CELF1: variants seen among roughly 807,000 people sequenced by gnomAD.
CELF1 encodes the protein 50 kDa nuclear polyadenylated RNA-binding protein.
CELF1 carries 10 observed loss-of-function variants against 61.8 expected under a neutral mutation model. The observed-to-expected ratio is 0.16, with a 90% CI of 0.10 to 0.27. The LOEUF is 0.27. Among genes scored for constraint, CELF1 ranks in the 10% least tolerant of loss-of-function variants. The pLI is 1.00. For synonymous variants in CELF1, 236 were observed against 225.1 expected (o/e 1.05, Z -0.43); for missense variants, 380 against 639.1 (o/e 0.59, Z 4.37).
chr11:47,472,575 G>A (rs1678088605), intron 14 of CELF1, among the ~76,000 whole-genome samples: 1 of 152,100 alleles, frequency 6.6e-6, no homozygotes, highest in African/African-American at 2.4e-5. Context: ...TTTTTCTTGA[G>A]ACAGGGTCTT....
chr11:47,512,506 T>G (rs916886976), intron 1 of CELF1, among the ~76,000 whole-genome samples: 1 of 151,290 alleles, frequency 6.6e-6, no homozygotes, highest in African/African-American at 2.4e-5. Flanking sequence ...CCAGCTAATT[T>G]TTTTTGTATT....
In CELF1 at chr11:47,469,209, C is replaced by T. The variant is rs1400778245; in HGVS notation, c.*3021G>A. ...GGGGAGCAGAGCCTCAGCCTCTCTCCCCACTCCCTGGTCACAACCCAAGGG... is the reference window on the plus strand; with the variant it reads ...GGGGAGCAGAGCCTCAGCCTCTCTCTCCACTCCCTGGTCACAACCCAAGGG... On this transcript the variant is annotated 3_prime_UTR_variant, in exon 15 of 15. Transcript: ENST00000687097. The T allele has an allele frequency of 6.6e-6, 1 of 152,202 alleles. No individual in the cohort carries two copies. The highest frequency in any genetic ancestry group is 2.4e-5 in the African/African-American group (1 of 41,414). The allele number at this position is 152,202 out of a possible 1,614,324, so 9.4% of individuals were successfully genotyped here. A position where few individuals can be genotyped will look rare whatever the true frequency, so the allele number is the denominator to read the frequency against.
At position 47,490,127 on chromosome 11, in the gene CELF1, C is replaced by T. The variant is rs908900811; in HGVS notation, c.72-1103G>A. Among the ~76,000 whole-genome samples, 33 of 150,754 alleles carry T rather than the reference C, an allele frequency of 2.2e-4. No individual in the cohort carries two copies. The Middle Eastern group carries it at 0.014, about 63-fold the overall frequency. On this transcript the variant is annotated intron_variant, in intron 3 of 14. Transcript: ENST00000687097. The stretch of plus-strand genomic sequence containing the variant: ...CTAATTTTTGTATTTTTAGTAGAGA[C>T]GGGCTTTCACCATGTTGGCCAGGCT...
rs564345837 is a variant in CELF1 at position 47,562,231 on chromosome 11, A to G, written c.-11+2120T>C. 6.7e-5 allele frequency among the ~76,000 whole-genome samples: 10 copies of G among 148,744 alleles called. No homozygotes were observed. The East Asian group carries it at 1.7e-3, about 26-fold the overall frequency. On this transcript the variant is annotated intron_variant, in intron 2 of 3. Coordinates refer to the CELF1 transcript ENST00000525841. ...ACAAGAGCGAAACTCCATCTCAAAA[A>G]AAAAAAAAAAAAAGTTGGGTGGGGT...
intron 1 of CELF1, among the ~76,000 whole-genome samples, chr11:47,534,492 C>G (rs979251208): frequency 4.0e-5 from 6 of 151,786 alleles, no homozygotes; most frequent in African/African-American, 1.5e-4. Context: ...TCTGGGAGGC[C>G]AAGGCAGACA....
In CELF1 at chr11:47,468,517, G is replaced by A. The variant is rs1306153770; in HGVS notation, c.*3713C>T. The A allele has an allele frequency of 2.0e-5, 3 of 152,510 alleles. No individual in the cohort carries two copies. Among genetic ancestry groups the A allele is most frequent in the Admixed American group, 6.5e-5 (1 of 15,268 alleles). The allele number at this position is 152,510 out of a possible 1,614,324, so 9.4% of individuals were successfully genotyped here. A position where few individuals can be genotyped will look rare whatever the true frequency, so the allele number is the denominator to read the frequency against. Reference sequence around the variant, plus strand: ...GTGTTCACAGAAATACAAACACCACGCGGTATGTGCTAGTAGGGCTGCTCT... The same window carrying A: ...GTGTTCACAGAAATACAAACACCACACGGTATGTGCTAGTAGGGCTGCTCT... On this transcript the variant is annotated 3_prime_UTR_variant, in exon 15 of 15. Coordinates refer to ENST00000687097, the MANE Select transcript of CELF1 (RefSeq NM_001376376.1).
chr11:47,547,006 G>C (rs538222266), intron 1 of CELF1, among the ~76,000 whole-genome samples: 67 of 136,210 alleles, frequency 4.9e-4, no homozygotes, highest in Admixed American at 9.5e-4. Flanking sequence ...GGCAGAGGTT[G>C]TGGTGAGCCA....
chr11:47,519,166 A>G (rs1039612235), intron 1 of CELF1, among the ~76,000 whole-genome samples: 1 of 152,146 alleles, frequency 6.6e-6, no homozygotes, highest in Non-Finnish European at 1.5e-5. Flanking sequence ...CAGCCCTAAG[A>G]CAAATTCTAT....
chr11:47,477,064 G>C, intron 11 of CELF1, 105 bp from the exon 12 acceptor site: 1 of 1,044,724 alleles, frequency 9.6e-7, no homozygotes, highest in Non-Finnish European at 1.5e-6. Flanking sequence ...GAGGTTTTCA[G>C]TTACTAATTC....
intron 7 of CELF1, among the ~76,000 whole-genome samples, chr11:47,484,009 T>TTTC (rs1233242750): frequency 2.6e-5 from 4 of 152,088 alleles, no homozygotes; most frequent in Non-Finnish European, 5.9e-5. Flanking sequence ...GGCTAGGGAA[T>TTTC]CACTGTTGCT....
rs753052500 is a variant in CELF1, at chr11:47,488,877, G to A, written c.219C>T (p.Asn73=). The A allele has an allele frequency of 7.5e-6, 12 of 1,593,952 alleles. No individual in the cohort carries two copies. In the African/African-American group the frequency reaches 9.5e-5, roughly 13 times the overall value. Residue 73 remains asparagine (N), a synonymous_variant, in exon 4 of 15, where the codon AAC becomes AAT. Transcript: ENST00000687097. The stretch of plus-strand genomic sequence containing the variant: ...GGTTTTGGCTCCTATCCCTTAGGAC[G>A]TTGATTTCATACACAGCACCATACT... ...FEQYGAVYEI[N]VLRDRSQNPP...
exon 1 of CELF1, chr11:47,565,329 G>A (rs2097241672): frequency 9.7e-6 from 2 of 206,012 alleles, no homozygotes; most frequent in Non-Finnish European, 1.9e-5. Context: ...ACAGGCGGGG[G>A]CCTCAGTTTC....
intron 1 of CELF1, among the ~76,000 whole-genome samples, 164 bp downstream of exon 1, chr11:47,552,828 G>C (rs1409983868): frequency 1.3e-5 from 2 of 152,184 alleles, no homozygotes; most frequent in African/African-American, 2.4e-5. Context: ...TGCAGGAGGA[G>C]ATCGCAGCCC....
upstream of CELF1, among the ~76,000 whole-genome samples, chr11:47,553,538 A>C (rs1395348226): frequency 6.6e-6 from 1 of 152,216 alleles, no homozygotes; most frequent in Non-Finnish European, 1.5e-5. Context: ...ATATTTGTTG[A>C]ATAAATGGAT....
intron 2 of CELF1, among the ~76,000 whole-genome samples, chr11:47,562,226 C>CAA (rs745795043): frequency 8.6e-5 from 7 of 81,654 alleles, no homozygotes; most frequent in Admixed American, 1.4e-4. Context: ...AACTCCATCT[C>CAA]AAAAAAAAAA....
intron 1 of CELF1, among the ~76,000 whole-genome samples, chr11:47,509,919 G>A (rs749506297): frequency 5.5e-5 from 8 of 145,578 alleles, no homozygotes; most frequent in Non-Finnish European, 7.5e-5. Context: ...AAAAATGGCC[G>A]GACATGGTGG....
chr11:47,548,949 T>C (rs1474189558), intron 1 of CELF1, among the ~76,000 whole-genome samples: 2 of 151,252 alleles, frequency 1.3e-5, no homozygotes, highest in Admixed American at 6.6e-5. Context: ...GATTAAAAAC[T>C]GGGAAATGGC....
intron 1 of CELF1, among the ~76,000 whole-genome samples, chr11:47,548,188 A>G (rs2153750291): frequency 6.6e-6 from 1 of 152,048 alleles, no homozygotes. Context: ...AATCCCAGCT[A>G]CTCGGGAGGC....
At chr11:47,529,540 T>C (rs1478313977) in intron 1 of CELF1, among the ~76,000 whole-genome samples, 1 of 151,794 alleles carries the variant, frequency 6.6e-6, no homozygotes, top group African/African-American at 2.4e-5. Context: ...ACAAAAATAG[T>C]CCCAGCCACT....
Sources: allele counts gnomAD v4.1 joint callset (sites outside exome capture counted in the v4.1 genomes callset), GRCh38; gene constraint gnomAD v4.1.1; transcripts MANE v1.5; gene names NCBI Gene and HGNC (gene_info 2026-07-23, HGNC 2026-07-21).